The following CHST11 variants were observed in gnomAD, a reference collection of about 807,000 sequenced individuals.
CHST11 encodes C4S-1.
In CHST11, 9 loss-of-function variants were observed where a neutral mutation model predicts 30.4. The ratio of observed to expected loss-of-function variants is 0.30; its 90% CI spans 0.18 to 0.52. The LOEUF (loss-of-function observed/expected upper bound fraction) is 0.52, where lower values mean the gene tolerates loss of function less well. CHST11 is among the 20% of genes least tolerant of loss of function. CHST11 has a pLI of 0.97. For synonymous variants in CHST11, 152 were observed against 187.8 expected (o/e 0.81, Z 1.56); for missense variants, 348 against 460.6 (o/e 0.76, Z 2.24).
At position 104,757,737 on chromosome 12, in the gene CHST11, C is replaced by T. The variant is rs1229874820; in HGVS notation, c.993C>T (p.Tyr331=). The T allele has an allele frequency of 5.0e-6, 8 of 1,614,064 alleles. No individual in the cohort carries two copies. Among genetic ancestry groups the T allele is most frequent in the Admixed American group, 1.7e-5 (1 of 60,016 alleles). ...NISSEHQTQL[Y]EVYKLDFLMF... ...GCTCAGAGCACCAAACGCAGCTGTACGAAGTCTACAAACTCGATTTTTTAA... is the reference window on the plus strand; with the variant it reads ...GCTCAGAGCACCAAACGCAGCTGTATGAAGTCTACAAACTCGATTTTTTAA... Residue 331 remains tyrosine (Y), a synonymous_variant, in exon 3 of 3, where the codon TAC becomes TAT. Coordinates refer to ENST00000303694, the MANE Select transcript of CHST11 (RefSeq NM_018413.6). The surrounding 1 kb of genome is among the most constrained non-coding windows in gnomAD (Gnocchi z 6.5).
chr12:104,634,326 C>T (rs1397547014), intron 2 of CHST11, among the ~76,000 whole-genome samples: 2 of 152,120 alleles, frequency 1.3e-5, no homozygotes, highest in African/African-American at 4.8e-5. Flanking sequence ...TCTAGGCTCT[C>T]TGAGGTAGCT....
chr12:104,531,788 T>C (rs910816859), intron 1 of CHST11, among the ~76,000 whole-genome samples: 2 of 152,198 alleles, frequency 1.3e-5, no homozygotes, highest in East Asian at 3.9e-4. Flanking sequence ...GCCCAGTCAC[T>C]CTCTCTGTTA....
At chr12:104,504,706 CTGTAG>C (rs1199238759) in intron 1 of CHST11, among the ~76,000 whole-genome samples, 12 of 152,096 alleles carry the variant, frequency 7.9e-5, no homozygotes, top group Non-Finnish European at 1.5e-4. Context: ...TGGTGTGCGC[CTGTAG>C]TCCCATCTAC....
chr12:104,666,110 A>T (rs764804646), intron 2 of CHST11, among the ~76,000 whole-genome samples: 1 of 151,748 alleles, frequency 6.6e-6, no homozygotes, highest in Admixed American at 6.6e-5. Context: ...GAGCCACCGC[A>T]CCCGGCCTCT....
intron 1 of CHST11, among the ~76,000 whole-genome samples, chr12:104,583,793 A>G (rs1167654617): frequency 6.6e-6 from 1 of 151,690 alleles, no homozygotes; most frequent in Non-Finnish European, 1.5e-5. Flanking sequence ...GCTCACTGCA[A>G]CCTCTGCCTC....
At chr12:104,624,829 T>C (rs1042692930) in intron 2 of CHST11, among the ~76,000 whole-genome samples, 1 of 152,086 alleles carries the variant, frequency 6.6e-6, no homozygotes, top group Non-Finnish European at 1.5e-5. Flanking sequence ...GCCAGTAAGG[T>C]TGGTTTCTGG....
chr12:104,510,967 TA>T (rs1297620877), intron 1 of CHST11, among the ~76,000 whole-genome samples: 23 of 152,346 alleles, frequency 1.5e-4, no homozygotes, highest in African/African-American at 5.0e-4. Flanking sequence ...AGGGGAACTT[TA>T]AATATGTATA....
chr12:104,730,841 C>T (rs1252955160), intron 2 of CHST11, among the ~76,000 whole-genome samples: 1 of 152,184 alleles, frequency 6.6e-6, no homozygotes, highest in Non-Finnish European at 1.5e-5. Flanking sequence ...GAAGGTGCAG[C>T]AGTTTCCCAG....
At chr12:104,613,269 AGT>A (rs1491214717) in intron 2 of CHST11, among the ~76,000 whole-genome samples, 4 of 135,416 alleles carry the variant, frequency 3.0e-5, no homozygotes, top group Non-Finnish European at 5.0e-5. Context: ...AGAAAATGTG[AGT>A]GAGATAGATA....
At position 104,614,125 on chromosome 12, in the gene CHST11, ATCTC is replaced by A. The variant is rs1566008562; in HGVS notation, c.204+12138_204+12141del. Among the ~76,000 whole-genome samples the A allele has an allele frequency of 5.3e-5, 8 of 152,322 alleles. No individual in the cohort carries two copies. In the South Asian group the frequency reaches 1.4e-3, roughly 28 times the overall value. ...ATTGTGGTCATCACTTTCACTATCT[ATCTC>A]TCTATCTAAGCATCATGTTGTATAC... On this transcript the variant is annotated intron_variant, in intron 2 of 2. Transcript: ENST00000303694.
chr12:104,675,402 C>T (rs1468615887), intron 2 of CHST11, among the ~76,000 whole-genome samples: 1 of 152,148 alleles, frequency 6.6e-6, no homozygotes, highest in Non-Finnish European at 1.5e-5. Flanking sequence ...GCCTTTTTCC[C>T]CCTGGGTGAT....
chr12:104,505,846 C>T (rs573356865), intron 1 of CHST11, among the ~76,000 whole-genome samples: 1 of 152,238 alleles, frequency 6.6e-6, no homozygotes, highest in South Asian at 2.1e-4. Context: ...TTTTGTGTCT[C>T]ATGCTTTGCT....
At chr12:104,753,678 A>G (rs1312133812) in intron 2 of CHST11, among the ~76,000 whole-genome samples, 2 of 152,326 alleles carry the variant, frequency 1.3e-5, no homozygotes, top group East Asian at 3.9e-4. Flanking sequence ...AAAAGAATAC[A>G]TGGCCACCAG....
intron 2 of CHST11, among the ~76,000 whole-genome samples, chr12:104,611,536 G>T (rs932608770): frequency 6.6e-6 from 1 of 152,192 alleles, no homozygotes; most frequent in East Asian, 1.9e-4. Context: ...GCTACTATGG[G>T]CCAGCCCCAG....
intron 2 of CHST11, among the ~76,000 whole-genome samples, chr12:104,667,701 G>A (rs141221100): frequency 1.3e-5 from 2 of 152,222 alleles, no homozygotes; most frequent in African/African-American, 2.4e-5. Flanking sequence ...TTTCCTCATC[G>A]GTAAAGCAAG....
intron 2 of CHST11, among the ~76,000 whole-genome samples, chr12:104,709,678 C>A (rs7310635): frequency 0.057 from 8,658 of 152,162 alleles, 343 homozygotes; most frequent in African/African-American, 0.098. Flanking sequence ...GCAGGGCACC[C>A]TGCGGTCCAT....
intron 2 of CHST11, among the ~76,000 whole-genome samples, chr12:104,706,552 G>T (rs2040038064): frequency 6.6e-6 from 1 of 152,022 alleles, no homozygotes; most frequent in Admixed American, 6.6e-5. Flanking sequence ...CCCTGGCAGT[G>T]AGGGAGATGA....
chr12:104,508,291 T>C (rs2037927088), intron 1 of CHST11, among the ~76,000 whole-genome samples: 1 of 152,246 alleles, frequency 6.6e-6, no homozygotes, highest in Non-Finnish European at 1.5e-5. Flanking sequence ...TAAAGCTTCA[T>C]GACCCTGGCA....
chr12:104,637,299 C>T (rs113911901), intron 2 of CHST11, among the ~76,000 whole-genome samples: 24,714 of 55,228 alleles, frequency 0.45, 5,071 homozygotes, highest in African/African-American at 0.53. Flanking sequence ...GAGTGAGACC[C>T]TGTAAAAAAA....
Sources: gnomAD v4.1 joint callset for allele counts (sites outside exome capture counted in the v4.1 genomes callset) on GRCh38, gnomAD v4.1.1 for gene constraint, Gnocchi (gnomAD v3.1) non-coding constraint, MANE v1.5 for transcripts, NCBI Gene and HGNC (gene_info 2026-07-23, HGNC 2026-07-21) for gene names.